The following MAST4 variants were observed in gnomAD, a reference collection of about 807,000 sequenced individuals.
MAST4 encodes microtubule associated serine/threonine kinase family member 4.
Under a neutral mutation model 162.7 loss-of-function variants are expected in MAST4, and 89 were observed. That is an observed-to-expected ratio of 0.55 (90% CI 0.46 to 0.65). The LOEUF (loss-of-function observed/expected upper bound fraction) is 0.65, where lower values mean the gene tolerates loss of function less well. Ranked by LOEUF, MAST4 falls within the 30% of genes least tolerant of loss-of-function variation. MAST4 has a pLI of 0.00. For missense variants in MAST4, 3,153 were observed against 3,374.0 expected, an observed-to-expected ratio of 0.93 and a Z score of 1.62; for synonymous variants, 1,479 against 1,361.1, an observed-to-expected ratio of 1.09 and a Z score of -1.91.
At chr5:66,695,617 A>G (rs1196070672) in intron 1 of MAST4, among the ~76,000 whole-genome samples, 2 of 152,114 alleles carry the variant, frequency 1.3e-5, no homozygotes, top group African/African-American at 2.4e-5. Context: ...CAGTATGGCC[A>G]TTTTCATGAT....
intron 1 of MAST4, among the ~76,000 whole-genome samples, chr5:66,702,559 A>G (rs1436204648): frequency 1.3e-5 from 2 of 152,174 alleles, no homozygotes; most frequent in African/African-American, 4.8e-5. Context: ...ATTTGGGTAG[A>G]GGCCAGAATG....
intron 5 of MAST4, among the ~76,000 whole-genome samples, chr5:67,057,370 A>G (rs1758963972): frequency 6.6e-6 from 1 of 152,142 alleles, no homozygotes; most frequent in Non-Finnish European, 1.5e-5. Flanking sequence ...TACTTTTCTT[A>G]GGTGGGGATT....
At chr5:66,693,932 A>G (rs1333545084) in intron 1 of MAST4, among the ~76,000 whole-genome samples, 3 of 152,208 alleles carry the variant, frequency 2.0e-5, no homozygotes, top group East Asian at 1.9e-4. Flanking sequence ...CCAACACTGA[A>G]GTATGGAAAA....
At chr5:67,132,277 C>G (rs1769078375) in intron 16 of MAST4, among the ~76,000 whole-genome samples, 1 of 152,084 alleles carries the variant, frequency 6.6e-6, no homozygotes, top group South Asian at 2.1e-4. Context: ...CTGCACCCAT[C>G]AATCCGTCAT....
At position 66,771,474 on chromosome 5, in the gene MAST4, C is replaced by T. The variant is rs578007537; in HGVS notation, c.517+11612C>T. Among the ~76,000 whole-genome samples, 206 of 152,326 alleles carry T rather than the reference C, an allele frequency of 1.4e-3. 1 individual carries two copies. Among genetic ancestry groups the T allele is most frequent in the African/African-American group, 4.9e-3 (202 of 41,572 alleles). ...GTGCTGGGATTACAGGCATAAGCCACTGTGCCTGGCCTGTGTGTAAATATA... is the reference window on the plus strand; with the variant it reads ...GTGCTGGGATTACAGGCATAAGCCATTGTGCCTGGCCTGTGTGTAAATATA... On this transcript the variant is annotated intron_variant, in intron 2 of 28. Transcript: ENST00000403625.
Position 67,164,468 on chromosome 5 carries a change from C to T in MAST4, c.5289C>T (p.Gly1763=), listed in dbSNP as rs771856417. The change falls in exon 29 of 29, where the codon GGC becomes GGT. Residue 1763 remains glycine (G), a synonymous_variant. Coordinates refer to ENST00000403625, the MANE Select transcript of MAST4 (RefSeq NM_001164664.2). This position sits in a 1 kb window ranked among gnomAD's most constrained non-coding sequence, Gnocchi z 5.3. ...VSFVPLKALT[G]RVDSGTEKPG... ...TTGTTCCCCTCAAGGCCTTAACAGG[C>T]CGGGTGGACAGTGGAACGGAGAAGC... 4.3e-6 allele frequency: 7 copies of T among 1,613,892 alleles called. No homozygotes were observed. The Admixed American group carries it at 8.3e-5, about 19-fold the overall frequency.
Position 67,163,506 on chromosome 5 carries a change from C to G in MAST4, c.4327C>G (p.Arg1443Gly). Reference protein sequence around the residue: ...AEPPRSPLLKRVQSEEKLSPS... With the variant: ...AEPPRSPLLKGVQSEEKLSPS... ...GCCCCCCAGGTCCCCGCTGCTCAAG[C>G]GCGTGCAGTCCGAGGAGAAGCTGTC... Residue 1443 changes from arginine to glycine, a missense_variant, in exon 29 of 29, where the codon CGC becomes GGC. Physicochemically the swap from Arg to Gly is moderately radical, Grantham distance 125. Coordinates refer to ENST00000403625, the MANE Select transcript of MAST4 (RefSeq NM_001164664.2). The surrounding 1 kb of genome is among the most constrained non-coding windows in gnomAD (Gnocchi z 7.0). The G allele has an allele frequency of 6.2e-7, 1 of 1,611,594 alleles. No individual in the cohort carries two copies. Among genetic ancestry groups the G allele is most frequent in the Non-Finnish European group, 8.5e-7 (1 of 1,179,012 alleles).
At chr5:67,111,041 A>G (rs978284488) in intron 11 of MAST4, among the ~76,000 whole-genome samples, 11 of 152,148 alleles carry the variant, frequency 7.2e-5, no homozygotes, top group Admixed American at 2.0e-4. Flanking sequence ...AAAAAAAATT[A>G]AAATTAAAAT....
chr5:66,815,941 G>A (rs1180497810), intron 3 of MAST4, among the ~76,000 whole-genome samples: 1 of 152,104 alleles, frequency 6.6e-6, no homozygotes. Flanking sequence ...AAACCTCAAG[G>A]AGGAAAAGGA....
chr5:66,602,871 T>C (rs938816038), intron 1 of MAST4, among the ~76,000 whole-genome samples: 1 of 152,204 alleles, frequency 6.6e-6, no homozygotes, highest in Non-Finnish European at 1.5e-5. Flanking sequence ...TAGGTTCTTA[T>C]TGCTGAGGCT....
intron 21 of MAST4, chr5:67,142,957 A>G (rs1188229719): frequency 6.2e-6 from 1 of 162,054 alleles, no homozygotes; most frequent in African/African-American, 2.4e-5. Context: ...CACCTGGCTC[A>G]ATGCCAGGCT....
intron 18 of MAST4, among the ~76,000 whole-genome samples, 196 bp downstream of exon 18, chr5:67,134,884 T>A (rs959583907): frequency 6.6e-6 from 1 of 152,204 alleles, no homozygotes; most frequent in African/African-American, 2.4e-5. Flanking sequence ...AAAATTGATC[T>A]GAAGAAATGT....
At chr5:67,085,885 G>A (rs1460827625) in intron 5 of MAST4, among the ~76,000 whole-genome samples, 4 of 152,106 alleles carry the variant, frequency 2.6e-5, no homozygotes, top group South Asian at 2.1e-4. Context: ...CAGGGGGAAC[G>A]GAACTGTTAT....
chr5:66,638,618 T>G (rs1380408086), intron 1 of MAST4, among the ~76,000 whole-genome samples: 9 of 152,242 alleles, frequency 5.9e-5, no homozygotes, highest in Non-Finnish European at 1.3e-4. Context: ...TATACCATAC[T>G]TTAAATAATT....
chr5:67,102,241 A>C (rs1187548524), intron 8 of MAST4, among the ~76,000 whole-genome samples: 1 of 152,162 alleles, frequency 6.6e-6, no homozygotes, highest in African/African-American at 2.4e-5. Flanking sequence ...CTACATGCAG[A>C]ATATAATTTC....
chr5:66,998,189 C>A (rs1013005062), intron 4 of MAST4, among the ~76,000 whole-genome samples: 3 of 152,142 alleles, frequency 2.0e-5, no homozygotes, highest in African/African-American at 7.2e-5. Flanking sequence ...CCACTTAAAC[C>A]AAATTGACAC....
At chr5:66,634,179 C>A (rs1451524331) in intron 1 of MAST4, among the ~76,000 whole-genome samples, 1 of 152,210 alleles carries the variant, frequency 6.6e-6, no homozygotes, top group Non-Finnish European at 1.5e-5. Flanking sequence ...CCTGCCCCAG[C>A]CTCCTGAGTT....
intron 1 of MAST4, among the ~76,000 whole-genome samples, chr5:66,651,179 T>C (rs1384691750): frequency 1.3e-5 from 2 of 152,004 alleles, no homozygotes; most frequent in East Asian, 3.8e-4. Context: ...TGATTGAGAA[T>C]CTTTTTTTTT....
At chr5:66,719,884 G>C (rs4425462) in intron 1 of MAST4, among the ~76,000 whole-genome samples, 43,309 of 151,950 alleles carry the variant, frequency 0.29, 6,683 homozygotes, top group East Asian at 0.57. Flanking sequence ...ATTTATGCTC[G>C]AGAATTTTCA....
Sources: gnomAD v4.1 joint callset for allele counts (sites outside exome capture counted in the v4.1 genomes callset) on GRCh38, gnomAD v4.1.1 for gene constraint, Gnocchi (gnomAD v3.1) non-coding constraint, MANE v1.5 for transcripts, NCBI Gene and HGNC (gene_info 2026-07-23, HGNC 2026-07-21) for gene names.